Variants in BEGAIN observed in about 807,000 individuals in gnomAD.
The protein encoded by BEGAIN is brain-enriched guanylate kinase-associated protein.
Under a neutral mutation model 35.8 loss-of-function variants are expected in BEGAIN, and 19 were observed. The observed-to-expected ratio is 0.53, with a 90% CI of 0.37 to 0.78. The LOEUF is 0.78. Among genes scored for constraint, BEGAIN ranks in the 30% least tolerant of loss-of-function variants. The probability of loss-of-function intolerance (pLI) is 0.00; values close to 1 mark genes in which losing one functional copy is unlikely to be tolerated. For missense variants in BEGAIN, 795 were observed against 853.6 expected (o/e 0.93, Z 0.85); for synonymous variants, 462 against 388.6 (o/e 1.19, Z -2.22).
chr14:100,585,629 G>T (rs1885112754), intron 1 of BEGAIN, among the ~76,000 whole-genome samples: 1 of 151,750 alleles, frequency 6.6e-6, no homozygotes, highest in Non-Finnish European at 1.5e-5. Context: ...CAAGTCTTGG[G>T]AGAGTGGATG....
intron 1 of BEGAIN, among the ~76,000 whole-genome samples, chr14:100,574,523 T>G (rs1455996288): frequency 6.6e-6 from 1 of 151,964 alleles, no homozygotes; most frequent in Non-Finnish European, 1.5e-5. Flanking sequence ...CAAAGGTTTT[T>G]TTTTTTTTTT....
Position 100,538,538 on chromosome 14 carries a change from C to T in BEGAIN, c.1270G>A (p.Gly424Arg). Reference protein sequence around the residue: ...PNLWSLRAKPGTARLPGEDMR... With the variant: ...PNLWSLRAKPRTARLPGEDMR... ...TCCTCCCCGGGGAGCCGGGCGGTCC[C>T]CGGCTTGGCCCGCAGGCTCCACAGG... The change falls in exon 7 of 7, where the codon GGG (glycine) becomes AGG (arginine). Residue 424 changes from glycine to arginine, a missense_variant. Gly to Arg is a moderately radical substitution (Grantham distance 125). Around this residue, in one of 3 missense-constraint regions of BEGAIN, gnomAD observed 664 missense variants for 647.7 expected, o/e 1.03. Transcript: ENST00000554140. The T allele has an allele frequency of 1.3e-6, 2 of 1,511,452 alleles. No individual in the cohort carries two copies. Among genetic ancestry groups the T allele is most frequent in the South Asian group, 1.3e-5 (1 of 75,184 alleles). 93.6% of individuals were successfully genotyped at this position (1,511,452 alleles called of 1,614,324 possible).
At position 100,546,774 on chromosome 14, in the gene BEGAIN, GCGCGCGCACACACACACA is replaced by G. The variant is rs1275744744; in HGVS notation, c.72-130_72-113del. The G allele has an allele frequency of 1.9e-3, 1,424 of 756,592 alleles. 23 individuals carry two copies. The African/African-American group carries it at 0.034, about 18-fold the overall frequency. The allele number at this position is 756,592 out of a possible 1,614,324, so 46.9% of individuals were successfully genotyped here. On this transcript the variant is annotated intron_variant, in intron 2 of 6. Transcript: ENST00000554140. ...AACACGCGAGTACCGGCGCGCGCGC[GCGCGCGCACACACACACA>G]CACACACACACACACACACACTCAC... is the stretch of plus-strand genomic sequence containing the variant.
Position 100,586,374 on chromosome 14 carries a change from T to C in BEGAIN, c.42+875A>G, listed in dbSNP as rs1194385924. On this transcript the variant is annotated intron_variant, in intron 1 of 6. Coordinates refer to ENST00000554140, the MANE Select transcript of BEGAIN (RefSeq NM_001385089.1). The surrounding 1 kb of genome is among the most constrained non-coding windows in gnomAD (Gnocchi z 4.9). Reference sequence around the variant, plus strand: ...GGCGGCCGACCTTGGCCATGCGGACTTTGCACGTGCAGTGCTCCCTATCCA... The same window carrying C: ...GGCGGCCGACCTTGGCCATGCGGACCTTGCACGTGCAGTGCTCCCTATCCA... Among the ~76,000 whole-genome samples, 1 of 152,138 alleles carries C rather than the reference T, an allele frequency of 6.6e-6. No homozygotes were observed. The highest frequency in any genetic ancestry group is 1.5e-5 in the Non-Finnish European group (1 of 68,008).
chr14:100,553,527 C>T (rs893543429), intron 2 of BEGAIN, among the ~76,000 whole-genome samples: 5 of 152,172 alleles, frequency 3.3e-5, no homozygotes, highest in South Asian at 4.1e-4. Flanking sequence ...CTGTCCCATA[C>T]AGGCCTTCAG....
Position 100,567,995 on chromosome 14 carries a change from CGCCGGGCAGAGCCGGGCACAGCGGGCACG to C in BEGAIN, c.43-85_43-57del. 7.2e-7 allele frequency: 1 copy of C among 1,383,982 alleles called. No individual in the cohort carries two copies. The highest frequency in any genetic ancestry group is 1.4e-5 in the South Asian group (1 of 72,364). The allele number at this position is 1,383,982 out of a possible 1,614,324, so 85.7% of individuals were successfully genotyped here. A position where few individuals can be genotyped will look rare whatever the true frequency, so the allele number is the denominator to read the frequency against. On this transcript the variant is annotated intron_variant, in intron 1 of 6. Coordinates refer to ENST00000554140, the MANE Select transcript of BEGAIN (RefSeq NM_001385089.1). The surrounding 1 kb of genome is among the most constrained non-coding windows in gnomAD (Gnocchi z 5.1). Reference sequence around the variant, plus strand: ...GCAGGAGGCGTGCGCTCCGCGGCCGCGCCGGGCAGAGCCGGGCACAGCGGGCACGGCCGGGCAACCCCGCGGGGCCCCGT... The same window carrying C: ...GCAGGAGGCGTGCGCTCCGCGGCCGCGCCGGGCAACCCCGCGGGGCCCCGT...
At chr14:100,560,270 C>T (rs963729563) in intron 2 of BEGAIN, among the ~76,000 whole-genome samples, 116 of 152,320 alleles carry the variant, frequency 7.6e-4, no homozygotes, top group African/African-American at 2.7e-3. Flanking sequence ...GGCGGCCCTA[C>T]CGCACTCTGA....
In BEGAIN at chr14:100,538,237, C is replaced by G. The variant is rs764209715; in HGVS notation, c.1571G>C (p.Arg524Pro). 1.3e-6 allele frequency: 2 copies of G among 1,567,912 alleles called. No homozygotes were observed. Among genetic ancestry groups the G allele is most frequent in the Non-Finnish European group, 1.7e-6 (2 of 1,164,192 alleles). The change falls in exon 7 of 7, where the codon CGC becomes CCC. Residue 524 changes from arginine to proline, a missense_variant. Coordinates refer to ENST00000554140, the MANE Select transcript of BEGAIN (RefSeq NM_001385089.1). ...ATAGCCGGGCAGTGGGTCAGCCGAG[C>G]GGCCGGGACTGAGGCTCAGGTCGCC... ...AGGDLSLSPG[R>P]SADPLPGYAP... is the part of the protein sequence containing the mutation.
chr14:100,579,849 T>C (rs2035279681), intron 1 of BEGAIN, among the ~76,000 whole-genome samples: 1 of 152,184 alleles, frequency 6.6e-6, no homozygotes, highest in South Asian at 2.1e-4. Flanking sequence ...ATTCAGCCTT[T>C]CTCAGGCCTG....
chr14:100,584,874 C>T (rs2035399525), intron 1 of BEGAIN, among the ~76,000 whole-genome samples: 1 of 152,044 alleles, frequency 6.6e-6, no homozygotes, highest in African/African-American at 2.4e-5. Flanking sequence ...CGGGGTGATT[C>T]TAGACCAACA....
rs1012769837 is a variant in BEGAIN, at chr14:100,563,742, A to C, written c.71+4169T>G. Among the ~76,000 whole-genome samples the C allele has an allele frequency of 8.5e-5, 13 of 152,326 alleles. No homozygotes were observed. The highest frequency in any genetic ancestry group is 3.1e-4 in the African/African-American group (13 of 41,564). On this transcript the variant is annotated intron_variant, in intron 2 of 6. Coordinates refer to ENST00000554140, the MANE Select transcript of BEGAIN (RefSeq NM_001385089.1). This position sits in a 1 kb window ranked among gnomAD's most constrained non-coding sequence, Gnocchi z 4.2. ...ACCCAGAATCGCAGCCCACATCCCCAGACACCCGCACAGGAGTTTCCTAAG... is the reference window on the plus strand; with the variant it reads ...ACCCAGAATCGCAGCCCACATCCCCCGACACCCGCACAGGAGTTTCCTAAG...
At chr14:100,561,063 C>T (rs921165806) in intron 2 of BEGAIN, among the ~76,000 whole-genome samples, 49 of 152,162 alleles carry the variant, frequency 3.2e-4, no homozygotes, top group African/African-American at 1.2e-3. Flanking sequence ...GAGCCCCATG[C>T]GGGCCTGACA....
intron 1 of BEGAIN, among the ~76,000 whole-genome samples, chr14:100,577,068 G>C (rs549465399): frequency 6.6e-6 from 1 of 152,354 alleles, no homozygotes; most frequent in South Asian, 2.1e-4. Context: ...CTCTGCCGCA[G>C]TGGGGAGGGG....
At chr14:100,544,958 G>A (rs372358446) in intron 4 of BEGAIN, 42 bp downstream of exon 4, 80 of 1,594,390 alleles carry the variant, frequency 5.0e-5, no homozygotes, top group Middle Eastern at 1.7e-4. Flanking sequence ...CCCCGGGAAG[G>A]AGGTGTGGGG....
chr14:100,555,808 G>A (rs1342977031), intron 2 of BEGAIN, among the ~76,000 whole-genome samples: 4 of 152,210 alleles, frequency 2.6e-5, no homozygotes, highest in Non-Finnish European at 4.4e-5. Context: ...ACTGGTCACT[G>A]CTGGCACTGC....
At position 100,538,389 on chromosome 14, in the gene BEGAIN, GC is replaced by G. The variant is rs1191906472; in HGVS notation, c.1418del (p.Gly473AlafsTer46). ...FSERYYGGAGGSPGKKADGRA... is the reference protein window; with the variant it reads ...FSERYYGGAGXSPGKKADGRA... ...GGCCGTCGGCCTTCTTGCCCGGGCT[GC>G]CCCCGGCCCCGCCGTAGTAGCGTTC... On this transcript the variant is annotated frameshift_variant, in exon 7 of 7. Transcript: ENST00000554140. LOFTEE classifies it high-confidence loss of function. 12 of 1,520,214 alleles carry G rather than the reference GC, an allele frequency of 7.9e-6. No individual in the cohort carries two copies. Among genetic ancestry groups the G allele is most frequent in the Middle Eastern group, 1.8e-4 (1 of 5,636 alleles). 94.2% of individuals were successfully genotyped at this position (1,520,214 alleles called of 1,614,324 possible). A position where few individuals can be genotyped will look rare whatever the true frequency, so the allele number is the denominator to read the frequency against.
chr14:100,547,521 G>A (rs2032686020), intron 2 of BEGAIN: 1 of 152,306 alleles, frequency 6.6e-6, no homozygotes, highest in African/African-American at 2.4e-5. Flanking sequence ...TGCAAAGGCA[G>A]GAGGGTAGTG....
intron 5 of BEGAIN, 149 bp from the exon 6 acceptor site, chr14:100,540,728 T>A: frequency 3.3e-6 from 2 of 609,552 alleles, no homozygotes; most frequent in Non-Finnish European, 5.8e-6. Flanking sequence ...GCTCCGGCCC[T>A]CTCTGGCCTC....
In BEGAIN at chr14:100,538,142, G is replaced by A; in HGVS notation, c.1666C>T (p.Pro556Ser). The change falls in exon 7 of 7, where the codon CCC (proline) becomes TCC (serine). Residue 556 changes from proline to serine, a missense_variant. Physicochemically the swap from Pro to Ser is moderately conservative, Grantham distance 74 (BLOSUM62 -1). Transcript: ENST00000554140. ...AAGGAGTCCCTGGAACCCTGCTCGG[G>A]CTCAGGGCTGCTGGCGGTCCCACAC... is the stretch of plus-strand genomic sequence containing the variant. Reference protein sequence around the residue: ...QLCGTASSPEPEQGSRDSLEP... With the variant: ...QLCGTASSPESEQGSRDSLEP... The A allele has an allele frequency of 6.5e-7, 1 of 1,537,710 alleles. No homozygotes were observed. The highest frequency in any genetic ancestry group is 8.7e-7 in the Non-Finnish European group (1 of 1,145,194).
Sources: gnomAD v4.1 joint callset for allele counts (sites outside exome capture counted in the v4.1 genomes callset) on GRCh38, gnomAD v4.1.1 for gene constraint, gnomAD v4.1.1 regional missense constraint, Gnocchi (gnomAD v3.1) non-coding constraint, MANE v1.5 for transcripts, NCBI Gene and HGNC (gene_info 2026-07-23, HGNC 2026-07-21) for gene names.